Variants in SMC1B observed in about 807,000 individuals in gnomAD.
SMC1B encodes structural maintenance of chromosomes 1B.
Under a neutral mutation model 157.9 loss-of-function variants are expected in SMC1B, and 60 were observed. The ratio of observed to expected loss-of-function variants is 0.38; its 90% confidence interval spans 0.31 to 0.47. SMC1B has a LOEUF of 0.47. Ranked by LOEUF, SMC1B falls within the 20% of genes least tolerant of loss-of-function variation. SMC1B has a pLI of 0.99. For synonymous variants in SMC1B, 445 were observed against 483.0 expected (o/e 0.92, Z 1.03); for missense variants, 1,165 against 1,426.2 (o/e 0.82, Z 2.95).
At chr22:45,360,223 CCTCA>C (rs2086708181) in intron 17 of SMC1B, among the ~76,000 whole-genome samples, 1 of 152,160 alleles carries the variant, frequency 6.6e-6, no homozygotes, top group Admixed American at 6.5e-5. Flanking sequence ...ACAGTGCTTT[CCTCA>C]CTCAAATATA....
chr22:45,361,741 C>T, intron 17 of SMC1B, 98 bp downstream of exon 17: 1 of 1,160,978 alleles, frequency 8.6e-7, no homozygotes, highest in Non-Finnish European at 1.2e-6. Context: ...CAACAAAGGG[C>T]ACATATTCAA....
chr22:45,402,429 C>G lies in SMC1B; in HGVS notation c.758G>C (p.Arg253Thr). 1 of 1,613,944 alleles carries G rather than the reference C, an allele frequency of 6.2e-7. No homozygotes were observed. ...EHVNRDLSVK[R>T]ESLSHHENIV... ...GTTTTCATGATGAGACAAAGACTCT[C>G]TTTTGACACTCAAATCCCTATTCAC... is the stretch of plus-strand genomic sequence containing the variant. The change falls in exon 5 of 25, where the codon AGA becomes ACA. Residue 253 changes from arginine to threonine, a missense_variant. Coordinates refer to ENST00000357450, the MANE Select transcript of SMC1B (RefSeq NM_148674.5).
At chr22:45,405,301 C>T (rs1051540263) in intron 4 of SMC1B, among the ~76,000 whole-genome samples, 1 of 152,096 alleles carries the variant, frequency 6.6e-6, no homozygotes, top group African/African-American at 2.4e-5. Context: ...TGGCTCACGC[C>T]TGTAATCCCA....
At chr22:45,412,789 G>A (rs950541783) in intron 1 of SMC1B, among the ~76,000 whole-genome samples, 3 of 152,048 alleles carry the variant, frequency 2.0e-5, no homozygotes, top group African/African-American at 7.2e-5. Flanking sequence ...AGACGGTGTC[G>A]CCAGGAACTT....
Position 45,413,551 on chromosome 22 carries a change from A to C in SMC1B, c.17T>G (p.Leu6Arg). Residue 6 changes from leucine to arginine, a missense_variant, in exon 1 of 25, where the codon CTG becomes CGG. By Grantham distance (102) the Leu-to-Arg change is moderately radical (BLOSUM62 -2). Transcript: ENST00000357450. ...CGACTTGAAATTTTCCACAAGCAGCAGCTCCAGGTGGGCCATGGCGCCGCC... is the reference window on the plus strand; with the variant it reads ...CGACTTGAAATTTTCCACAAGCAGCCGCTCCAGGTGGGCCATGGCGCCGCC... MAHLE[L>R]LLVENFKSWR... 2 of 1,609,786 alleles carry C rather than the reference A, an allele frequency of 1.2e-6. No homozygotes were observed. The highest frequency in any genetic ancestry group is 1.7e-6 in the Non-Finnish European group (2 of 1,178,050).
chr22:45,406,914 T>C, intron 2 of SMC1B, 49 bp from the exon 3 acceptor site: 3 of 1,290,796 alleles, frequency 2.3e-6, no homozygotes, highest in Non-Finnish European at 3.2e-6. Context: ...ATACCAGATA[T>C]ACCTCAAAAT....
At chr22:45,373,377 TA>T (rs2086853870) in intron 12 of SMC1B, among the ~76,000 whole-genome samples, 2 of 152,352 alleles carry the variant, frequency 1.3e-5, no homozygotes, top group African/African-American at 4.8e-5. Context: ...TACCATTTAT[TA>T]AATAATCTAT....
chr22:45,346,177 G>T lies in SMC1B; in HGVS notation c.3496-608C>A, dbSNP rs867888150. On this transcript the variant is annotated intron_variant, in intron 23 of 24. Transcript: ENST00000357450. The stretch of plus-strand genomic sequence containing the variant: ...CCGAGATTGTGCCACTGCACTCCAG[G>T]CTGGGCGACAGAGTGAAAGACTCCA... Among the ~76,000 whole-genome samples, 21 of 152,302 alleles carry T rather than the reference G, an allele frequency of 1.4e-4. No homozygotes were observed. In the Middle Eastern group the frequency reaches 0.014, roughly 99 times the overall value.
At chr22:45,351,503 G>T (rs1246584101) in intron 22 of SMC1B, among the ~76,000 whole-genome samples, 1 of 152,098 alleles carries the variant, frequency 6.6e-6, no homozygotes, top group Non-Finnish European at 1.5e-5. Context: ...TTTTGTTCCT[G>T]GTCATGGAAA....
intron 15 of SMC1B, 90 bp downstream of exon 15, chr22:45,369,864 G>A: frequency 1.2e-6 from 1 of 802,774 alleles, no homozygotes; most frequent in Non-Finnish European, 2.0e-6. Flanking sequence ...TTGATGAAAT[G>A]AAACTCAGGC....
intron 15 of SMC1B, 105 bp downstream of exon 15, chr22:45,369,849 G>T (rs2146792313): frequency 2.7e-6 from 2 of 739,498 alleles, no homozygotes; most frequent in East Asian, 3.1e-5. Context: ...CGGCCTAGCT[G>T]TTTCTTGATG....
intron 5 of SMC1B, among the ~76,000 whole-genome samples, chr22:45,401,072 G>A (rs1399084071): frequency 4.6e-5 from 7 of 152,090 alleles, no homozygotes; most frequent in South Asian, 2.1e-4. Context: ...AGGACATTAG[G>A]CAAAAGCTGA....
chr22:45,388,986 C>CAAAAAAAAAAAAAAAAAAAAAAAAA (rs371475132), intron 10 of SMC1B, among the ~76,000 whole-genome samples: 1 of 54,452 alleles, frequency 1.8e-5, no homozygotes, highest in Non-Finnish European at 3.5e-5. Flanking sequence ...GACTCTGCCT[C>CAAAAAAAAAAAAAAAAAAAAAAAAA]AAAAAAAAAA....
intron 21 of SMC1B, among the ~76,000 whole-genome samples, 169 bp from the exon 22 acceptor site, chr22:45,352,771 G>A (rs1257433773): frequency 6.6e-6 from 1 of 152,104 alleles, no homozygotes; most frequent in Non-Finnish European, 1.5e-5. Flanking sequence ...CAGACAACAG[G>A]GTTGTCTGGG....
In SMC1B at chr22:45,398,761, G is replaced by A. The variant is rs181842177; in HGVS notation, c.1113+334C>T. ...GGAGAATCGCTTGAACCCATAAGGCGGAGGTTGCAGTGAGCCAAGACCACA... is the reference window on the plus strand; with the variant it reads ...GGAGAATCGCTTGAACCCATAAGGCAGAGGTTGCAGTGAGCCAAGACCACA... On this transcript the variant is annotated intron_variant, in intron 6 of 24. Transcript: ENST00000357450. Among the ~76,000 whole-genome samples the A allele has an allele frequency of 1.4e-4, 21 of 152,166 alleles. 1 individual carries two copies. The highest frequency in any genetic ancestry group is 3.9e-4 in the East Asian group (2 of 5,172).
At chr22:45,383,695 A>T in intron 11 of SMC1B, 82 bp from the exon 12 acceptor site, 1 of 1,257,076 alleles carries the variant, frequency 8.0e-7, no homozygotes, top group Non-Finnish European at 1.1e-6. Context: ...TTTTAAAGCT[A>T]AGAATAAAAC....
intron 12 of SMC1B, among the ~76,000 whole-genome samples, chr22:45,381,258 A>C (rs1472151978): frequency 1.3e-5 from 2 of 152,202 alleles, no homozygotes; most frequent in East Asian, 3.9e-4. Flanking sequence ...TTCTTTGCCC[A>C]CTGAGGATCA....
chr22:45,388,461 C>G (rs1319048083), intron 10 of SMC1B, among the ~76,000 whole-genome samples: 2 of 152,084 alleles, frequency 1.3e-5, no homozygotes, highest in African/African-American at 2.4e-5. Flanking sequence ...TTCTAACAGA[C>G]AGATGAGATG....
chr22:45,393,417 A>G lies in SMC1B; in HGVS notation c.1545+217T>C, dbSNP rs567270457. On this transcript the variant is annotated intron_variant, in intron 9 of 24. Transcript: ENST00000357450. ...TATGTTCATGTCAAGCTTCTCCCCA[A>G]TAATTACGTTATCTACAGCTACTAC... 2.6e-5 allele frequency among the ~76,000 whole-genome samples: 4 copies of G among 152,308 alleles called. No individual in the cohort carries two copies. In the South Asian group the frequency reaches 8.3e-4, roughly 32 times the overall value.
Sources: gnomAD v4.1 joint callset for allele counts (sites outside exome capture counted in the v4.1 genomes callset) on GRCh38, gnomAD v4.1.1 for gene constraint, MANE v1.5 for transcripts, NCBI Gene and HGNC (gene_info 2026-07-23, HGNC 2026-07-21) for gene names.